The following TMEM201 variants were observed in gnomAD, a reference collection of about 807,000 sequenced individuals.
TMEM201 encodes RP13-15M17.2.
TMEM201 carries 26 observed loss-of-function variants against 63.4 expected under a neutral mutation model. That is an observed-to-expected ratio of 0.41 (90% CI 0.30 to 0.57). TMEM201 has a LOEUF of 0.57. Ranked by LOEUF, TMEM201 falls within the 20% of genes least tolerant of loss-of-function variation. TMEM201 has a pLI of 0.29. For missense variants in TMEM201, 794 were observed against 917.7 expected (o/e 0.87, Z 1.74); for synonymous variants, 417 against 421.6 (o/e 0.99, Z 0.14).
At chr1:9,611,654 C>T in intron 9 of TMEM201, 99 bp from the exon 10 acceptor site, 1 of 1,500,256 alleles carries the variant, frequency 6.7e-7, no homozygotes, top group Non-Finnish European at 9.0e-7. Context: ...TGGCTCACCA[C>T]TTCTGACAAC....
At chr1:9,589,124 C>T (rs1643878098) in intron 1 of TMEM201, 81 bp downstream of exon 1, 25 of 646,366 alleles carry the variant, frequency 3.9e-5, no homozygotes, top group Non-Finnish European at 4.8e-5. Flanking sequence ...CCGCTGCCCC[C>T]CTCGGCCGGG....
intron 2 of TMEM201, among the ~76,000 whole-genome samples, chr1:9,596,510 CG>C (rs1644022343): frequency 1.3e-5 from 2 of 152,212 alleles, no homozygotes; most frequent in African/African-American, 2.4e-5. Context: ...AGCTCCTCCA[CG>C]GGTCATAGTG....
At chr1:9,591,824 ACC>A (rs1643926796) in intron 1 of TMEM201, among the ~76,000 whole-genome samples, 1 of 151,852 alleles carries the variant, frequency 6.6e-6, no homozygotes, top group Non-Finnish European at 1.5e-5. Context: ...CAACCGCCGC[ACC>A]CCGGGCATAC....
chr1:9,609,409 G>A (rs1012608735), intron 7 of TMEM201, among the ~76,000 whole-genome samples: 2 of 152,228 alleles, frequency 1.3e-5, no homozygotes, highest in African/African-American at 4.8e-5. Flanking sequence ...GAGAGAACAG[G>A]CAGTTGGGGT....
At position 9,608,063 on chromosome 1, in the gene TMEM201, C is replaced by T. The variant is rs953070326; in HGVS notation, c.1393+274C>T. Among the ~76,000 whole-genome samples the T allele has an allele frequency of 2.0e-5, 3 of 152,110 alleles. No individual in the cohort carries two copies. Among genetic ancestry groups the T allele is most frequent in the Non-Finnish European group, 2.9e-5 (2 of 68,026 alleles). ...GACCAGCCTGGGCAACATAGGGAGA[C>T]GCTGTCTCTACAAAAAAAGTTGTTT... is the stretch of plus-strand genomic sequence containing the variant. On this transcript the variant is annotated intron_variant, in intron 7 of 10. Transcript: ENST00000340381. The surrounding 1 kb of genome is among the most constrained non-coding windows in gnomAD (Gnocchi z 4.3).
Position 9,614,081 on chromosome 1 carries a change from G to A in TMEM201, c.*998G>A, listed in dbSNP as rs957690495. 1 of 152,230 alleles carries A rather than the reference G, an allele frequency of 6.6e-6. No individual in the cohort carries two copies. Among genetic ancestry groups the A allele is most frequent in the African/African-American group, 2.4e-5 (1 of 41,414 alleles). The allele number at this position is 152,230 out of a possible 1,614,324, so 9.4% of individuals were successfully genotyped here. A position where few individuals can be genotyped will look rare whatever the true frequency, so the allele number is the denominator to read the frequency against. On this transcript the variant is annotated 3_prime_UTR_variant, in exon 11 of 11. Transcript: ENST00000340381. ...TCCCAATGCTGTGAGGCAGCGGGGA[G>A]GGACCGTGCACCCGTGGCTATCAGA...
intron 2 of TMEM201, 107 bp downstream of exon 2, chr1:9,596,117 C>G: frequency 7.1e-7 from 1 of 1,409,178 alleles, no homozygotes; most frequent in South Asian, 1.3e-5. Context: ...GCTCATGGAC[C>G]CCACACCCTC....
chr1:9,612,857 C>T (rs1644343360), intron 10 of TMEM201, 129 bp from the exon 11 acceptor site: 1 of 748,856 alleles, frequency 1.3e-6, no homozygotes, highest in East Asian at 2.7e-5. Context: ...GGGTGAGCCT[C>T]ACCAGTCTCA....
intron 4 of TMEM201, 34 bp downstream of exon 4, chr1:9,598,659 G>A (rs1207805280): frequency 1.3e-6 from 2 of 1,590,890 alleles, no homozygotes; most frequent in Non-Finnish European, 8.6e-7. Flanking sequence ...GGGGGTGGGG[G>A]TGTTGAGTTT....
rs1172104755 is a variant in TMEM201, at chr1:9,601,183, C to T, written c.685C>T (p.Leu229=). The change falls in exon 5 of 11, where the codon CTG becomes TTG. Residue 229 remains leucine (L), a synonymous_variant. Transcript: ENST00000340381. ...ALAFLACAFL[L]TTALYGASGH... ...CGCCTTCCTGGCCTGCGCCTTCCTA[C>T]TGACCACCGCGCTGTATGGGGCCAG... The T allele has an allele frequency of 1.2e-6, 2 of 1,612,382 alleles. No homozygotes were observed. The highest frequency in any genetic ancestry group is 1.1e-5 in the South Asian group (1 of 91,064).
In TMEM201 at chr1:9,603,932, G is replaced by A. The variant is rs934827669; in HGVS notation, c.1160+1660G>A. The A allele has an allele frequency of 2.0e-6, 2 of 985,340 alleles. No homozygotes were observed. The highest frequency in any genetic ancestry group is 3.5e-5 in the African/African-American group (2 of 57,244). The allele number at this position is 985,340 out of a possible 1,614,324, so 61.0% of individuals were successfully genotyped here. On this transcript the variant is annotated intron_variant, in intron 6 of 10. Transcript: ENST00000340381. The surrounding 1 kb of genome is among the most constrained non-coding windows in gnomAD (Gnocchi z 4.5). Reference sequence around the variant, plus strand: ...AACCCCTCTGAAAAGATGTGGTCGGGGCCACGCTTCCCACTGGTTCTGCAG... The same window carrying A: ...AACCCCTCTGAAAAGATGTGGTCGGAGCCACGCTTCCCACTGGTTCTGCAG...
chr1:9,601,045 T>A (rs1644128878), intron 4 of TMEM201, 60 bp from the exon 5 acceptor site: 1 of 1,456,510 alleles, frequency 6.9e-7, no homozygotes, highest in African/African-American at 1.4e-5. Flanking sequence ...CTGGCACCGG[T>A]GATGGCTGGG....
In TMEM201 at chr1:9,605,197, T is replaced by C. The variant is rs1644220448; in HGVS notation, c.1161-2360T>C. On this transcript the variant is annotated intron_variant, in intron 6 of 10. Coordinates refer to ENST00000340381, the MANE Select transcript of TMEM201 (RefSeq NM_001130924.3). This position sits in a 1 kb window ranked among gnomAD's most constrained non-coding sequence, Gnocchi z 5.7. ...GGTCTCTCTCCTTCCACTCCTGATGTGGGCTGGGATTGGGTCGGAGAAGAC... is the reference window on the plus strand; with the variant it reads ...GGTCTCTCTCCTTCCACTCCTGATGCGGGCTGGGATTGGGTCGGAGAAGAC... 6.6e-6 allele frequency among the ~76,000 whole-genome samples: 1 copy of C among 152,176 alleles called. No homozygotes were observed. Among genetic ancestry groups the C allele is most frequent in the South Asian group, 2.1e-4 (1 of 4,834 alleles).
rs565570645 is a variant in TMEM201, at chr1:9,596,730, A to T, written c.235-129A>T. 4.4e-5 allele frequency: 42 copies of T among 949,804 alleles called. No homozygotes were observed. The East Asian group carries it at 8.6e-4, about 20-fold the overall frequency. 58.8% of individuals were successfully genotyped at this position (949,804 alleles called of 1,614,324 possible). ...AAGCAGCTGCTGTTGTGTGCAGAAG[A>T]AAAAAAAGAATGGAGATGTTTGAGA... On this transcript the variant is annotated intron_variant, in intron 2 of 10. Coordinates refer to ENST00000340381, the MANE Select transcript of TMEM201 (RefSeq NM_001130924.3).
In TMEM201 at chr1:9,598,571, C is replaced by T. The variant is rs1334958227; in HGVS notation, c.552C>T (p.Ala184=). ...AGCACCAGAACCGCCAGCTGCGCGC[C>T]CTGTTGCTCAGCCACCAGTTCAAGC... ...YIKHQNRQLR[A]LLLSHQFKRR... The change falls in exon 4 of 11, where the codon GCC becomes GCT. Residue 184 remains alanine (A), a synonymous_variant. Transcript: ENST00000340381. The T allele has an allele frequency of 1.9e-6, 3 of 1,613,534 alleles. No individual in the cohort carries two copies. Among genetic ancestry groups the T allele is most frequent in the African/African-American group, 1.3e-5 (1 of 74,920 alleles).
In TMEM201 at chr1:9,603,773, TGAG is replaced by T; in HGVS notation, c.1160+1504_1160+1506del. 1 of 985,318 alleles carries T rather than the reference TGAG, an allele frequency of 1.0e-6. No individual in the cohort carries two copies. Among genetic ancestry groups the T allele is most frequent in the South Asian group, 4.7e-5 (1 of 21,276 alleles). The allele number at this position is 985,318 out of a possible 1,614,324, so 61.0% of individuals were successfully genotyped here. On this transcript the variant is annotated intron_variant, in intron 6 of 10. Coordinates refer to ENST00000340381, the MANE Select transcript of TMEM201 (RefSeq NM_001130924.3). This position sits in a 1 kb window ranked among gnomAD's most constrained non-coding sequence, Gnocchi z 4.5. The stretch of plus-strand genomic sequence containing the variant: ...CTCACATCCCACCCAGCTTCACAAG[TGAG>T]GAACCCAGGTGCATCGGGAGACCCT...
chr1:9,599,645 C>A (rs368162191), intron 4 of TMEM201, among the ~76,000 whole-genome samples: 1 of 148,834 alleles, frequency 6.7e-6, no homozygotes, highest in Admixed American at 6.7e-5. Context: ...TTTTTTGAGA[C>A]GGAGTCTCGC....
intron 3 of TMEM201, among the ~76,000 whole-genome samples, chr1:9,597,259 C>T (rs187648291): frequency 3.3e-5 from 5 of 152,372 alleles, no homozygotes; most frequent in East Asian, 1.9e-4. Context: ...CTTCTGACCC[C>T]GTTGGAGCTG....
At position 9,610,713 on chromosome 1, in the gene TMEM201, A is replaced by G. The variant is rs539404804; in HGVS notation, c.1673A>G (p.Asp558Gly). The G allele has an allele frequency of 6.4e-7, 1 of 1,550,474 alleles. No individual in the cohort carries two copies. The highest frequency in any genetic ancestry group is 8.7e-7 in the Non-Finnish European group (1 of 1,146,886). The stretch of plus-strand genomic sequence containing the variant: ...GCCCCCACCACGCCCAGCAGCTCCG[A>G]TGAGCACTCGCCTCACAACGGCAGC... ...GEAPTTPSSS[D>G]EHSPHNGSLF... The change falls in exon 9 of 11, where the codon GAT becomes GGT. Residue 558 changes from aspartate to glycine, a missense_variant. Asp to Gly is a moderately conservative substitution (Grantham distance 94). Transcript: ENST00000340381. The surrounding 1 kb of genome is among the most constrained non-coding windows in gnomAD (Gnocchi z 4.9).
Sources: allele counts gnomAD v4.1 joint callset (sites outside exome capture counted in the v4.1 genomes callset), GRCh38; gene constraint gnomAD v4.1.1; non-coding constraint Gnocchi (gnomAD v3.1); transcripts MANE v1.5; gene names NCBI Gene and HGNC (gene_info 2026-07-23, HGNC 2026-07-21).